The following CREB5 variants were observed in gnomAD, a reference collection of about 807,000 sequenced individuals.
The protein encoded by CREB5 is cyclic AMP-responsive element-binding protein 5.
In CREB5, 19 loss-of-function variants were observed where a neutral mutation model predicts 57.1. The observed-to-expected ratio is 0.33, with a 90% CI of 0.23 to 0.49. CREB5 has a LOEUF of 0.49. Ranked by LOEUF, CREB5 falls within the 20% of genes least tolerant of loss-of-function variation. The pLI is 0.99. For synonymous variants in CREB5, 238 were observed against 238.3 expected (o/e 1.00, Z 0.01); for missense variants, 579 against 671.6 (o/e 0.86, Z 1.52).
intron 1 of CREB5, among the ~76,000 whole-genome samples, chr7:28,371,999 T>C (rs1327392906): frequency 6.6e-6 from 1 of 152,174 alleles, no homozygotes; most frequent in Non-Finnish European, 1.5e-5. Context: ...TGTCTGTCTA[T>C]TTTTGAGTGT....
intron 1 of CREB5, among the ~76,000 whole-genome samples, chr7:28,324,044 A>T (rs1005965727): frequency 3.9e-5 from 6 of 152,152 alleles, no homozygotes; most frequent in Admixed American, 3.3e-4. Context: ...AATGTGCATG[A>T]TGGAGAGCGG....
intron 5 of CREB5, among the ~76,000 whole-genome samples, chr7:28,587,113 T>C (rs1261947501): frequency 6.6e-6 from 1 of 152,236 alleles, no homozygotes; most frequent in Non-Finnish European, 1.5e-5. Context: ...ATTCATGTAT[T>C]TATCTATACT....
At chr7:28,376,046 C>T (rs542901653) in intron 1 of CREB5, among the ~76,000 whole-genome samples, 2 of 152,304 alleles carry the variant, frequency 1.3e-5, no homozygotes, top group African/African-American at 4.8e-5. Flanking sequence ...CCCCTTCCAG[C>T]TTCTCCCAAC....
intron 1 of CREB5, among the ~76,000 whole-genome samples, chr7:28,326,153 TTATCTATCTATC>T (rs58259868): frequency 0.17 from 25,107 of 146,042 alleles, 2,256 homozygotes; most frequent in East Asian, 0.19. Flanking sequence ...CACACACACA[TTATCTATCTATC>T]TATCTATCTA....
intron 5 of CREB5, among the ~76,000 whole-genome samples, chr7:28,656,423 T>C (rs1799335479): frequency 6.6e-6 from 1 of 152,192 alleles, no homozygotes; most frequent in Admixed American, 6.5e-5. Context: ...GAGTACAACA[T>C]TCTTATGAAC....
chr7:28,613,388 CAACTG>C (rs1797473199), intron 5 of CREB5, among the ~76,000 whole-genome samples: 1 of 152,206 alleles, frequency 6.6e-6, no homozygotes, highest in Non-Finnish European at 1.5e-5. Flanking sequence ...GACTGTGAAA[CAACTG>C]AGGCTTAAAT....
chr7:28,646,955 G>T (rs1419665398), intron 5 of CREB5, among the ~76,000 whole-genome samples: 2 of 151,980 alleles, frequency 1.3e-5, no homozygotes, highest in African/African-American at 4.8e-5. Context: ...ACCTGTAAAA[G>T]ATGTTTATAG....
At chr7:28,720,853 C>G (rs1423922325) in intron 6 of CREB5, among the ~76,000 whole-genome samples, 1 of 152,166 alleles carries the variant, frequency 6.6e-6, no homozygotes, top group Non-Finnish European at 1.5e-5. Context: ...AACTTCTATG[C>G]ATTGCCCAGA....
chr7:28,682,305 C>T (rs1800635386), intron 5 of CREB5, among the ~76,000 whole-genome samples: 1 of 152,180 alleles, frequency 6.6e-6, no homozygotes, highest in Admixed American at 6.5e-5. Context: ...GTCACCTAGG[C>T]GGCCCCTCAT....
chr7:28,422,349 A>G (rs1210692974), intron 1 of CREB5, among the ~76,000 whole-genome samples: 1 of 152,178 alleles, frequency 6.6e-6, no homozygotes, highest in African/African-American at 2.4e-5. Flanking sequence ...AATGGAAAGG[A>G]CTGTCTCAGA....
At chr7:28,610,117 C>T (rs911370798) in intron 5 of CREB5, among the ~76,000 whole-genome samples, 1 of 152,140 alleles carries the variant, frequency 6.6e-6, no homozygotes, top group African/African-American at 2.4e-5. Context: ...TTAGGTCTTC[C>T]GTTCTGTCCT....
intron 5 of CREB5, among the ~76,000 whole-genome samples, chr7:28,606,859 T>C (rs903068329): frequency 1.3e-5 from 2 of 152,198 alleles, no homozygotes; most frequent in Non-Finnish European, 2.9e-5. Flanking sequence ...TACATATTCA[T>C]AGGGTACATA....
chr7:28,426,441 G>T (rs578188688), intron 1 of CREB5, among the ~76,000 whole-genome samples: 14 of 152,104 alleles, frequency 9.2e-5, no homozygotes, highest in Non-Finnish European at 1.8e-4. Flanking sequence ...AGGCCCCTAG[G>T]CCCCTCAGCC....
intron 3 of CREB5, among the ~76,000 whole-genome samples, chr7:28,505,009 A>C (rs1792421255): frequency 6.6e-6 from 1 of 152,354 alleles, no homozygotes; most frequent in African/African-American, 2.4e-5. Flanking sequence ...TCGATCCAGC[A>C]GAGTGCTACA....
At chr7:28,586,290 C>T (rs950899325) in intron 5 of CREB5, among the ~76,000 whole-genome samples, 1 of 152,142 alleles carries the variant, frequency 6.6e-6, no homozygotes, top group Non-Finnish European at 1.5e-5. Flanking sequence ...GCTGCCACGA[C>T]AGGAGGAGAA....
At chr7:28,382,395 C>T (rs1385620112) in intron 1 of CREB5, among the ~76,000 whole-genome samples, 1 of 152,104 alleles carries the variant, frequency 6.6e-6, no homozygotes, top group African/African-American at 2.4e-5. Context: ...GTGGCAGGCT[C>T]AGGGCCTCCT....
chr7:28,726,590 G>C (rs1342473424), intron 7 of CREB5: 3 of 152,140 alleles, frequency 2.0e-5, no homozygotes, highest in Admixed American at 1.3e-4. Flanking sequence ...CTGAACTATG[G>C]GCTTTGTTGT....
At chr7:28,304,956 T>C (rs1236214962) in intron 1 of CREB5, among the ~76,000 whole-genome samples, 1 of 152,230 alleles carries the variant, frequency 6.6e-6, no homozygotes, top group East Asian at 1.9e-4. Flanking sequence ...GAAGTATTTC[T>C]TCACTGAAAT....
At chr7:28,469,291 T>G (rs1790716379) in intron 1 of CREB5, among the ~76,000 whole-genome samples, 1 of 152,346 alleles carries the variant, frequency 6.6e-6, no homozygotes, top group South Asian at 2.1e-4. Flanking sequence ...GCTGTGTGAT[T>G]GCATAATCTA....
Sources: allele counts gnomAD v4.1 joint callset (sites outside exome capture counted in the v4.1 genomes callset), GRCh38; gene constraint gnomAD v4.1.1; transcripts MANE v1.5; gene names NCBI Gene and HGNC (gene_info 2026-07-23, HGNC 2026-07-21).